Variants in CTNNA3 observed in about 807,000 individuals in gnomAD.
The protein encoded by CTNNA3 is catenin alpha 3.
In CTNNA3, 76 loss-of-function variants were observed where a neutral mutation model predicts 95.7. That is an observed-to-expected ratio of 0.79 (90% CI 0.66 to 0.96). CTNNA3 has a LOEUF of 0.96. Among genes scored for constraint, CTNNA3 ranks in the 40% least tolerant of loss-of-function variants. The pLI, the probability that CTNNA3 is intolerant of heterozygous loss-of-function variation, is 0.00. For missense variants in CTNNA3, 1,191 were observed against 1,089.8 expected, an observed-to-expected ratio of 1.09 and a Z score of -1.31; for synonymous variants, 431 against 374.4, an observed-to-expected ratio of 1.15 and a Z score of -1.74.
At chr10:66,882,398 G>T (rs1464152253) in intron 7 of CTNNA3, among the ~76,000 whole-genome samples, 1 of 152,060 alleles carries the variant, frequency 6.6e-6, no homozygotes, top group African/African-American at 2.4e-5. Context: ...TTGAATTTCG[G>T]CCATCAAAAC....
At chr10:66,077,540 A>C (rs2080592190) in intron 14 of CTNNA3, among the ~76,000 whole-genome samples, 2 of 151,852 alleles carry the variant, frequency 1.3e-5, no homozygotes, top group African/African-American at 4.8e-5. Context: ...ATTAAAACAT[A>C]ATAAATGAGA....
chr10:66,637,202 T>C (rs896594534), intron 9 of CTNNA3, among the ~76,000 whole-genome samples: 1 of 152,230 alleles, frequency 6.6e-6, no homozygotes, highest in African/African-American at 2.4e-5. Flanking sequence ...AATGGTCTAA[T>C]GAAAACTGTT....
chr10:67,013,550 C>T (rs1421431588), intron 7 of CTNNA3, among the ~76,000 whole-genome samples: 1 of 152,112 alleles, frequency 6.6e-6, no homozygotes, highest in Non-Finnish European at 1.5e-5. Flanking sequence ...ATACCATGAC[C>T]TCGGCAAACA....
At chr10:66,364,414 G>A (rs1257053550) in intron 12 of CTNNA3, among the ~76,000 whole-genome samples, 2 of 151,770 alleles carry the variant, frequency 1.3e-5, no homozygotes, top group African/African-American at 4.8e-5. Context: ...AAATTACATC[G>A]ACAAAACACC....
intron 7 of CTNNA3, among the ~76,000 whole-genome samples, chr10:67,078,389 G>A (rs1306539819): frequency 6.6e-6 from 1 of 151,966 alleles, no homozygotes. Flanking sequence ...AAGGAAATGA[G>A]AAAGAAAATG....
At chr10:67,033,268 C>T (rs1853845277) in intron 7 of CTNNA3, among the ~76,000 whole-genome samples, 1 of 152,144 alleles carries the variant, frequency 6.6e-6, no homozygotes, top group South Asian at 2.1e-4. Flanking sequence ...TGTGAGGGTG[C>T]TTTCCAGCAT....
At chr10:67,618,238 AAAG>A (rs1024495458) in intron 2 of CTNNA3, among the ~76,000 whole-genome samples, 4 of 152,336 alleles carry the variant, frequency 2.6e-5, no homozygotes, top group African/African-American at 9.6e-5. Context: ...CAATCATACC[AAAG>A]AAGACTCTAA....
intron 5 of CTNNA3, among the ~76,000 whole-genome samples, chr10:67,241,420 CAA>C (rs796801093): frequency 2.6e-4 from 35 of 133,162 alleles, no homozygotes; most frequent in Non-Finnish European, 5.1e-4. Flanking sequence ...GAGACTGTTT[CAA>C]AAAAAAAAAA....
At chr10:66,581,196 G>A (rs1843175229) in intron 10 of CTNNA3, among the ~76,000 whole-genome samples, 1 of 149,594 alleles carries the variant, frequency 6.7e-6, no homozygotes, top group Admixed American at 6.7e-5. Flanking sequence ...GAATTGTGCT[G>A]CAATAAACAT....
rs201896643 is a variant in CTNNA3, at chr10:67,216,651, TA to T, written c.843+2955del. Among the ~76,000 whole-genome samples the T allele has an allele frequency of 7.9e-5, 12 of 152,206 alleles. No homozygotes were observed. The East Asian group carries it at 1.4e-3, about 17-fold the overall frequency. On this transcript the variant is annotated intron_variant, in intron 6 of 17. Coordinates refer to ENST00000433211, the MANE Select transcript of CTNNA3 (RefSeq NM_013266.4). ...ATGATACATGAATATGTAAAAAAGT[TA>T]AAAAAAGTGAATATGACAGCTCTCT...
intron 12 of CTNNA3, among the ~76,000 whole-genome samples, chr10:66,309,988 G>A (rs1258608669): frequency 2.0e-5 from 3 of 150,920 alleles, no homozygotes; most frequent in African/African-American, 7.3e-5. Flanking sequence ...GCTAGGCGTG[G>A]TGGTGAGAGC....
intron 9 of CTNNA3, among the ~76,000 whole-genome samples, chr10:66,715,606 T>A (rs998200764): frequency 1.5e-4 from 23 of 152,208 alleles, no homozygotes; most frequent in Non-Finnish European, 2.4e-4. Context: ...GCAATAGTTT[T>A]TAGATAACTA....
At chr10:67,033,603 T>C (rs757450401) in intron 7 of CTNNA3, among the ~76,000 whole-genome samples, 2 of 152,190 alleles carry the variant, frequency 1.3e-5, no homozygotes, top group East Asian at 1.9e-4. Flanking sequence ...TAACTACATA[T>C]TGTAACTCAT....
chr10:67,257,983 C>A (rs1252975155), intron 5 of CTNNA3, among the ~76,000 whole-genome samples: 2 of 152,128 alleles, frequency 1.3e-5, no homozygotes, highest in African/African-American at 4.8e-5. Context: ...CATTTATACT[C>A]CCAACATTTA....
At chr10:66,764,672 T>G (rs555164289) in intron 9 of CTNNA3, among the ~76,000 whole-genome samples, 2 of 152,208 alleles carry the variant, frequency 1.3e-5, no homozygotes, top group Non-Finnish European at 2.9e-5. Context: ...CATTTTTAGA[T>G]AACACTTTTA....
chr10:67,699,165 T>C (rs1421157789), upstream of CTNNA3, among the ~76,000 whole-genome samples: 4 of 152,144 alleles, frequency 2.6e-5, no homozygotes, highest in African/African-American at 4.8e-5. Flanking sequence ...TCTCCAATGA[T>C]CAGTGCAAAA....
chr10:67,751,532 A>G (rs1244768848), intron 1 of CTNNA3, among the ~76,000 whole-genome samples: 1 of 150,766 alleles, frequency 6.6e-6, no homozygotes. Context: ...GATAAATAAT[A>G]AAAAATAATG....
At chr10:66,594,684 C>T (rs1370150203) in intron 10 of CTNNA3, among the ~76,000 whole-genome samples, 1 of 152,058 alleles carries the variant, frequency 6.6e-6, no homozygotes, top group Non-Finnish European at 1.5e-5. Flanking sequence ...TTGTTTTTTG[C>T]ACACAGTCCT....
chr10:67,144,998 G>C (rs1860771700), intron 7 of CTNNA3, among the ~76,000 whole-genome samples: 1 of 152,104 alleles, frequency 6.6e-6, no homozygotes, highest in Non-Finnish European at 1.5e-5. Context: ...AGAGGGCACT[G>C]TAGGGTTATT....
Sources: allele counts gnomAD v4.1 joint callset (sites outside exome capture counted in the v4.1 genomes callset), GRCh38; gene constraint gnomAD v4.1.1; transcripts MANE v1.5; gene names NCBI Gene and HGNC (gene_info 2026-07-23, HGNC 2026-07-21).